Variants in MROH1 observed in about 807,000 individuals in gnomAD.
The protein encoded by MROH1 is maestro heat like repeat family member 1.
A neutral mutation model predicts 116.5 loss-of-function variants in MROH1; 117 were observed. The observed-to-expected ratio is 1.00, with a 90% CI of 0.86 to 1.17. The LOEUF (loss-of-function observed/expected upper bound fraction) is 1.17, where lower values mean the gene tolerates loss of function less well. Among genes scored for constraint, MROH1 ranks in the 50% most tolerant of loss-of-function variants. MROH1 has a pLI of 0.00. For missense variants in MROH1, 1,873 were observed against 1,338.5 expected, an observed-to-expected ratio of 1.40 and a Z score of -6.23; for synonymous variants, 921 against 583.9, an observed-to-expected ratio of 1.58 and a Z score of -8.32.
chr8:144,164,336 C>T (rs1257164307), intron 3 of MROH1, among the ~76,000 whole-genome samples: 11 of 144,330 alleles, frequency 7.6e-5, no homozygotes, highest in Non-Finnish European at 1.6e-4. Flanking sequence ...ACTCGGGAGG[C>T]GGAGGTTGCA....
intron 14 of MROH1, among the ~76,000 whole-genome samples, chr8:144,223,738 C>T (rs1346969279): frequency 6.6e-6 from 1 of 152,180 alleles, no homozygotes; most frequent in African/African-American, 2.4e-5. Context: ...CCTCTGTCAC[C>T]CTGAGCTGCA....
intron 12 of MROH1, among the ~76,000 whole-genome samples, chr8:144,216,444 A>C (rs1396515169): frequency 2.0e-5 from 3 of 152,136 alleles, no homozygotes; most frequent in African/African-American, 7.2e-5. Flanking sequence ...ACTCCATTCC[A>C]TCCTGGGCAA....
chr8:144,234,498 GTTTTTTTTTTTTTTTTTTTTTTTTT>G (rs1165164431), intron 14 of MROH1, among the ~76,000 whole-genome samples: 1 of 18,090 alleles, frequency 5.5e-5, no homozygotes, highest in Non-Finnish European at 1.2e-4. Flanking sequence ...TTTCTTTTTC[GTTTTTTTTTTTTTTTTTTTTTTTTT>G]TTTTTTTTTT....
chr8:144,259,931 C>G lies in MROH1; in HGVS notation c.4065C>G (p.Ala1355=). ...TGCAGCTGCTGAACAGCAACGTGGC[C>G]AACGACCTCATGCTCTTGGACTCGC... ...FLAELLNSNV[A]NDLMLLDSLL... is the part of the protein sequence containing the mutation. The change falls in exon 38 of 44, where the codon GCC becomes GCG. Residue 1355 remains alanine, a synonymous_variant. Transcript: ENST00000326134. 4.0e-6 allele frequency: 3 copies of G among 742,164 alleles called. No homozygotes were observed. Among genetic ancestry groups the G allele is most frequent in the Non-Finnish European group, 7.5e-6 (3 of 399,350 alleles). 46.0% of individuals were successfully genotyped at this position (742,164 alleles called of 1,614,324 possible).
intron 7 of MROH1, among the ~76,000 whole-genome samples, chr8:144,183,303 C>T (rs1355147598): frequency 6.6e-6 from 1 of 151,228 alleles, no homozygotes; most frequent in Non-Finnish European, 1.5e-5. Flanking sequence ...ATTGCTTGAC[C>T]CTGGGAAGTC....
chr8:144,259,111 C>A, intron 36 of MROH1, 129 bp from the exon 37 acceptor site: 1 of 686,898 alleles, frequency 1.5e-6, no homozygotes, highest in Non-Finnish European at 2.7e-6. Context: ...GGAGGCATCT[C>A]TGAAACATAG....
chr8:144,179,646 T>G (rs1367635067), intron 5 of MROH1, 60 bp downstream of exon 5: 15 of 1,549,342 alleles, frequency 9.7e-6, no homozygotes, highest in Admixed American at 5.8e-5. Flanking sequence ...GGAAGCTGCT[T>G]CTTGGCCTTT....
rs1414754914 is a variant in MROH1, at chr8:144,163,046, G to A, written c.-56-725G>A. 1.3e-5 allele frequency among the ~76,000 whole-genome samples: 2 copies of A among 152,132 alleles called. No homozygotes were observed. The highest frequency in any genetic ancestry group is 1.3e-4 in the Admixed American group (2 of 15,270). On this transcript the variant is annotated intron_variant, in intron 2 of 43. Coordinates refer to ENST00000326134, the MANE Select transcript of MROH1 (RefSeq NM_032450.3). This position sits in a 1 kb window ranked among gnomAD's most constrained non-coding sequence, Gnocchi z 4.4. ...CAAGATTTCTATGATTTCTTACTTC[G>A]CCTCCAACCCATGTGTGCACAGCGC...
chr8:144,201,825 C>T (rs972046692), intron 12 of MROH1, among the ~76,000 whole-genome samples: 1 of 151,818 alleles, frequency 6.6e-6, no homozygotes, highest in African/African-American at 2.4e-5. Context: ...CCAGGCTGGC[C>T]AACATGGTGA....
intron 24 of MROH1, 41 bp downstream of exon 24, chr8:144,242,669 C>T (rs1442317414): frequency 3.9e-6 from 3 of 770,680 alleles, no homozygotes; most frequent in African/African-American, 3.4e-5. Context: ...GGCTTCTCTC[C>T]TCTCGGCTCT....
chr8:144,249,604 T>C (rs1288288973), intron 32 of MROH1, among the ~76,000 whole-genome samples: 1 of 152,134 alleles, frequency 6.6e-6, no homozygotes, highest in African/African-American at 2.4e-5. Flanking sequence ...GGACTTGTGG[T>C]GGGCCTGGGG....
intron 13 of MROH1, 85 bp downstream of exon 13, chr8:144,220,758 A>G (rs570581778): frequency 1.1e-4 from 131 of 1,241,610 alleles, no homozygotes; most frequent in Non-Finnish European, 1.4e-4. Flanking sequence ...GAGATCACCC[A>G]CCAACCAGGC....
chr8:144,216,959 A>T (rs979147620), intron 12 of MROH1, among the ~76,000 whole-genome samples: 1 of 152,134 alleles, frequency 6.6e-6, no homozygotes, highest in Non-Finnish European at 1.5e-5. Flanking sequence ...AAGTGCTGGG[A>T]TTACAGATGT....
intron 43 of MROH1, 95 bp downstream of exon 43, chr8:144,261,444 T>TC (rs1845042492): frequency 1.4e-6 from 1 of 699,744 alleles, no homozygotes; most frequent in African/African-American, 1.7e-5. Flanking sequence ...CAGGACTTTT[T>TC]CCCTGTCACT....
At chr8:144,212,076 T>TTGTG (rs1834230244) in intron 12 of MROH1, among the ~76,000 whole-genome samples, 1 of 151,090 alleles carries the variant, frequency 6.6e-6, no homozygotes, top group African/African-American at 2.4e-5. Flanking sequence ...TGTGTTGTTT[T>TTGTG]TTTGTTTGTT....
chr8:144,225,909 AGTT>A (rs1837703255), intron 14 of MROH1, among the ~76,000 whole-genome samples: 1 of 45,072 alleles, frequency 2.2e-5, no homozygotes, highest in African/African-American at 1.1e-4. Flanking sequence ...ATTCATTTTT[AGTT>A]TTTTTTTTTT....
At chr8:144,248,761 T>A (rs1842342338) in intron 31 of MROH1, 116 bp from the exon 32 acceptor site, 1 of 706,198 alleles carries the variant, frequency 1.4e-6, no homozygotes, top group African/African-American at 1.8e-5. Flanking sequence ...GGGGCCCGGC[T>A]GCAAGAAGGG....
chr8:144,213,783 G>A (rs1261128487), intron 12 of MROH1, among the ~76,000 whole-genome samples: 1 of 151,636 alleles, frequency 6.6e-6, no homozygotes, highest in Non-Finnish European at 1.5e-5. Flanking sequence ...GCAAGACTCC[G>A]TCTCAAAAAA....
chr8:144,248,075 G>C (rs1842202655), intron 31 of MROH1, among the ~76,000 whole-genome samples: 1 of 152,238 alleles, frequency 6.6e-6, no homozygotes, highest in Non-Finnish European at 1.5e-5. Context: ...GGCTACCCAA[G>C]AGCCACGTGG....
Sources: allele counts gnomAD v4.1 joint callset (sites outside exome capture counted in the v4.1 genomes callset), GRCh38; gene constraint gnomAD v4.1.1; non-coding constraint Gnocchi (gnomAD v3.1); transcripts MANE v1.5; gene names NCBI Gene and HGNC (gene_info 2026-07-23, HGNC 2026-07-21).